TET3: variants seen among roughly 807,000 people sequenced by gnomAD.
TET3 encodes tet methylcytosine dioxygenase 3, also known as methylcytosine dioxygenase TET3.
A neutral mutation model predicts 141.4 loss-of-function variants in TET3; 19 were observed. The observed-to-expected ratio is 0.13, with a 90% confidence interval of 0.09 to 0.20. TET3 has a LOEUF of 0.20. Among genes scored for constraint, TET3 ranks in the 10% least tolerant of loss-of-function variants. TET3 has a pLI of 1.00. For missense variants in TET3, 1,874 were observed against 2,356.9 expected, an observed-to-expected ratio of 0.80 and a Z score of 4.24; for synonymous variants, 1,043 against 980.9, an observed-to-expected ratio of 1.06 and a Z score of -1.18.
chr2:74,000,940 G>C (rs534315829), intron 2 of TET3, among the ~76,000 whole-genome samples: 37 of 152,186 alleles, frequency 2.4e-4, no homozygotes, highest in African/African-American at 8.9e-4. Flanking sequence ...TCCAAGCATT[G>C]TTTGTCTCTC....
chr2:74,061,722 G>A (rs1184838176), intron 4 of TET3, among the ~76,000 whole-genome samples: 1 of 142,456 alleles, frequency 7.0e-6, no homozygotes, highest in East Asian at 2.1e-4. Context: ...CCGGGCGGAG[G>A]GGCTCCTCAC....
intron 4 of TET3, among the ~76,000 whole-genome samples, chr2:74,056,940 C>T (rs1259476139): frequency 4.6e-5 from 7 of 152,148 alleles, no homozygotes; most frequent in Non-Finnish European, 1.0e-4. Flanking sequence ...GAGAAATGGG[C>T]TGGAAGATGG....
At chr2:74,080,899 G>T (rs909101006) in intron 6 of TET3, among the ~76,000 whole-genome samples, 1 of 152,136 alleles carries the variant, frequency 6.6e-6, no homozygotes, top group Admixed American at 6.5e-5. Context: ...TCCTGTCCCC[G>T]TGGCTCAGGG....
At chr2:73,990,540 A>G (rs553958227) in intron 2 of TET3, among the ~76,000 whole-genome samples, 2 of 152,324 alleles carry the variant, frequency 1.3e-5, no homozygotes, top group South Asian at 4.1e-4. Flanking sequence ...ACCATGGATG[A>G]GGGAAGTAAA....
chr2:74,039,491 CT>C (rs36123787), intron 3 of TET3, among the ~76,000 whole-genome samples: 2 of 152,166 alleles, frequency 1.3e-5, no homozygotes, highest in Non-Finnish European at 2.9e-5. Flanking sequence ...CATCTTAAAA[CT>C]TTTTGGGGTC....
chr2:74,083,877 G>A (rs970550253), intron 6 of TET3, among the ~76,000 whole-genome samples: 3 of 152,152 alleles, frequency 2.0e-5, no homozygotes, highest in African/African-American at 7.2e-5. Context: ...GATTGGCTGC[G>A]TTCCCCCTGG....
At chr2:74,121,917 G>C in the TET3 span, 1 of 152,264 alleles carries the variant, frequency 6.6e-6, no homozygotes, top group Non-Finnish European at 1.5e-5. Flanking sequence ...AGAATCGCTT[G>C]GACCTGGGAG....
intron 4 of TET3, among the ~76,000 whole-genome samples, chr2:74,051,377 A>G (rs1187868547): frequency 6.6e-6 from 1 of 152,252 alleles, no homozygotes; most frequent in East Asian, 1.9e-4. Context: ...ACAAATTTGA[A>G]CAATCATCTC....
intron 4 of TET3, among the ~76,000 whole-genome samples, chr2:74,053,315 G>A (rs1341342094): frequency 2.6e-5 from 4 of 152,116 alleles, no homozygotes; most frequent in African/African-American, 7.2e-5. Context: ...TGTTCCCTTC[G>A]CCTTTGTGTA....
intron 2 of TET3, 128 bp from the exon 3 acceptor site, chr2:74,002,982 C>T (rs982400242): frequency 1.0e-6 from 1 of 983,644 alleles, no homozygotes; most frequent in Non-Finnish European, 1.6e-6. Context: ...GATAGCCTTT[C>T]TTTCCCAGGC....
Position 74,101,385 on chromosome 2 carries a change from A to G in TET3, c.4597A>G (p.Lys1533Glu). Residue 1533 changes from lysine (K) to glutamate (E), a missense_variant, in exon 12 of 12, where the codon AAG becomes GAG. By Grantham distance (56) the Lys-to-Glu change is moderately conservative. Coordinates refer to ENST00000409262, the MANE Select transcript of TET3 (RefSeq NM_001287491.2). This position sits in a 1 kb window ranked among gnomAD's most constrained non-coding sequence, Gnocchi z 8.5. Reference protein sequence around the residue: ...SALAGPSLTEKPWALGAGDFN... With the variant: ...SALAGPSLTEEPWALGAGDFN... ...CTTGGCTGGGCCCAGCCTGACTGAG[A>G]AGCCGTGGGCGCTGGGGGCAGGGGA... 6.2e-7 allele frequency: 1 copy of G among 1,613,880 alleles called. No homozygotes were observed. The highest frequency in any genetic ancestry group is 1.1e-5 in the South Asian group (1 of 91,078).
the TET3 span, among the ~76,000 whole-genome samples, chr2:74,125,695 AT>A: frequency 0.039 from 5,472 of 141,510 alleles, 304 homozygotes; most frequent in African/African-American, 0.14. Context: ...GTATGCTAAA[AT>A]TTTTTTTTTT....
chr2:74,132,759 A>T, the TET3 span, among the ~76,000 whole-genome samples: 2 of 152,246 alleles, frequency 1.3e-5, no homozygotes, highest in South Asian at 4.1e-4. Context: ...ATGCCAATCT[A>T]GAGTGAGAGA....
At chr2:74,003,799 A>G (rs1436994530) in intron 3 of TET3, among the ~76,000 whole-genome samples, 1 of 121,904 alleles carries the variant, frequency 8.2e-6, no homozygotes, top group East Asian at 2.5e-4. Context: ...GAGTGTTCCC[A>G]GGTGCGTGGG....
chr2:73,994,888 T>C (rs1275411687), intron 2 of TET3, among the ~76,000 whole-genome samples: 20 of 152,194 alleles, frequency 1.3e-4, no homozygotes, highest in African/African-American at 3.9e-4. Flanking sequence ...CCACTCGCCT[T>C]AGCCTCCCAA....
At position 74,100,518 on chromosome 2, in the gene TET3, G is replaced by T; in HGVS notation, c.3730G>T (p.Gly1244Cys). The T allele has an allele frequency of 6.2e-7, 1 of 1,608,736 alleles. No individual in the cohort carries two copies. The highest frequency in any genetic ancestry group is 8.5e-7 in the Non-Finnish European group (1 of 1,177,648). ...GGTGGTGGAGAGCTACTCGGTGCTG[G>T]GCAACTGCCGGCCCTCCGACCCTTA... ...NAVVESYSVL[G>C]NCRPSDPYSM... Residue 1244 changes from glycine to cysteine, a missense_variant, in exon 12 of 12, where the codon GGC (glycine) becomes TGC (cysteine). Gly to Cys is a radical substitution (Grantham distance 159, BLOSUM62 -3). Transcript: ENST00000409262.
intron 4 of TET3, among the ~76,000 whole-genome samples, chr2:74,069,307 G>T (rs913359048): frequency 2.7e-5 from 4 of 147,504 alleles, no homozygotes; most frequent in Non-Finnish European, 6.0e-5. Context: ...TTATGTGTAG[G>T]TCTTGTCTGC....
chr2:74,088,191 T>A (rs1336416747), intron 7 of TET3, among the ~76,000 whole-genome samples, 153 bp downstream of exon 7: 1 of 152,154 alleles, frequency 6.6e-6, no homozygotes, highest in Non-Finnish European at 1.5e-5. Context: ...GAGGAAGGCA[T>A]ATCCACAGAT....
intron 4 of TET3, among the ~76,000 whole-genome samples, chr2:74,061,712 C>T (rs1201334006): frequency 7.0e-6 from 1 of 142,884 alleles, no homozygotes; most frequent in Non-Finnish European, 1.5e-5. Context: ...GGGGCAGCTG[C>T]CGGGCGGAGG....
Sources: allele counts gnomAD v4.1 joint callset (sites outside exome capture counted in the v4.1 genomes callset), GRCh38; gene constraint gnomAD v4.1.1; non-coding constraint Gnocchi (gnomAD v3.1); transcripts MANE v1.5; gene names NCBI Gene and HGNC (gene_info 2026-07-23, HGNC 2026-07-21).